RNF150: variants seen among roughly 807,000 people sequenced by gnomAD.
The protein encoded by RNF150 is ring finger protein 150.
In RNF150, 24 loss-of-function variants were observed where a neutral mutation model predicts 39.3. The ratio of observed to expected loss-of-function variants is 0.61; its 90% CI spans 0.44 to 0.86. The LOEUF is 0.86. Among genes scored for constraint, RNF150 ranks in the 40% least tolerant of loss-of-function variants. The pLI, the probability that RNF150 is intolerant of heterozygous loss-of-function variation, is 0.00. For synonymous variants in RNF150, 255 were observed against 227.3 expected, an observed-to-expected ratio of 1.12 and a Z score of -1.10; for missense variants, 502 against 587.8, an observed-to-expected ratio of 0.85 and a Z score of 1.51.
intron 1 of RNF150, among the ~76,000 whole-genome samples, chr4:141,138,521 T>A (rs756612080): frequency 7.9e-5 from 12 of 152,174 alleles, no homozygotes; most frequent in Admixed American, 6.5e-5. Flanking sequence ...GGCATTATTA[T>A]TTTTTTAATC....
At chr4:140,929,986 C>CA (rs1033024743) in intron 4 of RNF150, among the ~76,000 whole-genome samples, 82 of 152,110 alleles carry the variant, frequency 5.4e-4, no homozygotes, top group Non-Finnish European at 1.0e-3. Context: ...CGTGGCGAAA[C>CA]CCTGTCTCTA....
chr4:140,872,375 CTT>C (rs958022219), intron 6 of RNF150, among the ~76,000 whole-genome samples: 4 of 152,176 alleles, frequency 2.6e-5, no homozygotes, highest in Non-Finnish European at 5.9e-5. Flanking sequence ...GAAAAATACT[CTT>C]AGTCCATTTG....
At chr4:141,139,537 A>G (rs1019241430) in intron 1 of RNF150, among the ~76,000 whole-genome samples, 6 of 152,228 alleles carry the variant, frequency 3.9e-5, no homozygotes, top group Non-Finnish European at 7.3e-5. Context: ...TTCAAGAAAG[A>G]TGTCCTGCTT....
rs149209038 is a variant in RNF150 at position 141,156,816 on chromosome 4, A to G, written c.-6+55978T>C. Among the ~76,000 whole-genome samples the G allele has an allele frequency of 9.0e-3, 1,367 of 151,986 alleles. 52 individuals are homozygous for G. The highest frequency in any genetic ancestry group is 0.058 in the Admixed American group (879 of 15,258). ...CAGCTACTCAGGAGGCTGAGGCATA[A>G]GAATTGCTTGAACCTGGGACGTAGA... On this transcript the variant is annotated intron_variant, in intron 1 of 7. Coordinates refer to the RNF150 transcript ENST00000420921.
chr4:141,032,448 G>A (rs925627569), intron 1 of RNF150, among the ~76,000 whole-genome samples: 2 of 151,938 alleles, frequency 1.3e-5, no homozygotes, highest in South Asian at 2.1e-4. Context: ...CACCACACTC[G>A]CATGTACATA....
rs567397026 is a variant in RNF150 at position 141,162,005 on chromosome 4, C to T, written c.-6+50789G>A. ...GGGATTGGAGCCCCAACACAGAGTC[C>T]GCAATGGGGCATTGCCTAGTGGAGC... On this transcript the variant is annotated intron_variant, in intron 1 of 7. Coordinates refer to the RNF150 transcript ENST00000420921. Among the ~76,000 whole-genome samples, 35 of 152,310 alleles carry T rather than the reference C, an allele frequency of 2.3e-4. 1 individual carries two copies. In the South Asian group the frequency reaches 5.4e-3, roughly 23 times the overall value.
intron 6 of RNF150, among the ~76,000 whole-genome samples, chr4:140,893,381 G>A (rs1729827246): frequency 6.6e-6 from 1 of 152,126 alleles, no homozygotes; most frequent in Non-Finnish European, 1.5e-5. Flanking sequence ...TTTTTTGAAA[G>A]GATAAAACAC....
intron 1 of RNF150, among the ~76,000 whole-genome samples, chr4:141,142,185 C>T (rs192038905): frequency 1.3e-5 from 2 of 152,178 alleles, no homozygotes; most frequent in East Asian, 3.9e-4. Flanking sequence ...AAAAGGAAGC[C>T]TTTAGAATCA....
At chr4:141,161,817 G>A (rs1265522917) in intron 1 of RNF150, among the ~76,000 whole-genome samples, 3 of 152,244 alleles carry the variant, frequency 2.0e-5, no homozygotes, top group Non-Finnish European at 4.4e-5. Context: ...CTTCCATGTG[G>A]TGTTAAGCCT....
chr4:141,008,120 C>CT (rs1181398417), intron 1 of RNF150, among the ~76,000 whole-genome samples: 1 of 152,170 alleles, frequency 6.6e-6, no homozygotes. Flanking sequence ...AAAACATATT[C>CT]TGTAGCTATC....
chr4:140,935,046 A>ATAT (rs56284933), intron 4 of RNF150, among the ~76,000 whole-genome samples: 3 of 93,688 alleles, frequency 3.2e-5, no homozygotes, highest in African/African-American at 1.0e-4. Flanking sequence ...TATATATATA[A>ATAT]ATATATATAT....
chr4:141,063,810 GTGTC>G (rs1464308275), intron 1 of RNF150, among the ~76,000 whole-genome samples: 6 of 152,232 alleles, frequency 3.9e-5, no homozygotes, highest in African/African-American at 1.4e-4. Flanking sequence ...GTATGTGTGT[GTGTC>G]TGTGCATTTG....
intron 1 of RNF150, among the ~76,000 whole-genome samples, chr4:141,004,891 A>G (rs1024095695): frequency 6.6e-6 from 1 of 152,178 alleles, no homozygotes; most frequent in Non-Finnish European, 1.5e-5. Flanking sequence ...AGTAACTACA[A>G]TGGATTATTT....
chr4:141,094,989 C>T (rs539453085), intron 1 of RNF150, among the ~76,000 whole-genome samples: 117 of 152,164 alleles, frequency 7.7e-4, no homozygotes, highest in African/African-American at 2.6e-3. Flanking sequence ...CACTTAACAA[C>T]GAGAAAAAAA....
chr4:140,899,221 G>A (rs975297480), intron 6 of RNF150, among the ~76,000 whole-genome samples: 1 of 152,188 alleles, frequency 6.6e-6, no homozygotes, highest in African/African-American at 2.4e-5. Flanking sequence ...TGCAGAGGAC[G>A]TGCTTTGCCT....
intron 2 of RNF150, among the ~76,000 whole-genome samples, chr4:140,957,256 T>G (rs1298187499): frequency 6.6e-6 from 1 of 152,098 alleles, no homozygotes; most frequent in African/African-American, 2.4e-5. Context: ...GAACAGACAC[T>G]TCTCAAAAGA....
chr4:141,171,407 CGT>C (rs910693729), intron 1 of RNF150, among the ~76,000 whole-genome samples: 5 of 151,430 alleles, frequency 3.3e-5, no homozygotes, highest in African/African-American at 1.2e-4. Context: ...ATTTTCTCTG[CGT>C]GTGTGTGTGC....
intron 1 of RNF150, among the ~76,000 whole-genome samples, chr4:141,049,012 G>T (rs1036685807): frequency 6.6e-6 from 1 of 152,138 alleles, no homozygotes; most frequent in African/African-American, 2.4e-5. Flanking sequence ...GGCCAGTGCA[G>T]TTGTTCATGG....
At chr4:140,880,320 T>G (rs1729324488) in intron 6 of RNF150, among the ~76,000 whole-genome samples, 1 of 152,190 alleles carries the variant, frequency 6.6e-6, no homozygotes, top group Non-Finnish European at 1.5e-5. Context: ...TTTTGTATAC[T>G]GAATCATCCT....
Sources: allele counts gnomAD v4.1 joint callset (sites outside exome capture counted in the v4.1 genomes callset), GRCh38; gene constraint gnomAD v4.1.1; transcripts MANE v1.5; gene names NCBI Gene and HGNC (gene_info 2026-07-23, HGNC 2026-07-21).